TMEM131: variants seen among roughly 807,000 people sequenced by gnomAD.
The protein encoded by TMEM131 is transmembrane protein 131, also known as 2610524E03Rik.
A neutral mutation model predicts 211.6 loss-of-function variants in TMEM131; 66 were observed. The observed-to-expected ratio is 0.31, with a 90% CI of 0.26 to 0.38. The LOEUF is 0.38. TMEM131 is among the 10% of genes least tolerant of loss of function. The pLI is 1.00. For missense variants in TMEM131, 2,036 were observed against 2,299.3 expected (o/e 0.89, Z 2.34); for synonymous variants, 844 against 841.3 (o/e 1.00, Z -0.06).
intron 4 of TMEM131, among the ~76,000 whole-genome samples, chr2:97,880,381 A>G (rs915908526): frequency 1.3e-5 from 2 of 152,184 alleles, no homozygotes; most frequent in Non-Finnish European, 2.9e-5. Context: ...TGTGAAAAAC[A>G]TTTCCCTGTT....
At chr2:97,951,217 T>C (rs1376879843) in intron 1 of TMEM131, among the ~76,000 whole-genome samples, 1 of 152,222 alleles carries the variant, frequency 6.6e-6, no homozygotes, top group Non-Finnish European at 1.5e-5. Flanking sequence ...GTTTGGTGTG[T>C]AGGTTCTGGT....
At chr2:97,916,418 T>C (rs940304398) in intron 2 of TMEM131, among the ~76,000 whole-genome samples, 3 of 152,190 alleles carry the variant, frequency 2.0e-5, no homozygotes, top group African/African-American at 7.2e-5. Flanking sequence ...CCAAATACCC[T>C]TGGGGAAAGT....
intron 1 of TMEM131, among the ~76,000 whole-genome samples, chr2:97,938,779 T>A (rs1677571420): frequency 1.3e-5 from 2 of 152,228 alleles, no homozygotes; most frequent in Admixed American, 1.3e-4. Flanking sequence ...TAGTTGGAAG[T>A]AAAGCACTCC....
At chr2:97,992,352 T>C (rs1680304485) in intron 1 of TMEM131, among the ~76,000 whole-genome samples, 1 of 152,246 alleles carries the variant, frequency 6.6e-6, no homozygotes, top group Non-Finnish European at 1.5e-5. Context: ...GTTTTGCACC[T>C]ATGTCACAAA....
intron 31 of TMEM131, among the ~76,000 whole-genome samples, chr2:97,777,807 C>T (rs1425101270): frequency 2.6e-5 from 4 of 151,978 alleles, no homozygotes; most frequent in Non-Finnish European, 5.9e-5. Context: ...AGAGCAAGAC[C>T]CTGCCTCAAA....
At chr2:97,873,680 G>C (rs1674579892) in intron 4 of TMEM131, among the ~76,000 whole-genome samples, 1 of 152,154 alleles carries the variant, frequency 6.6e-6, no homozygotes, top group Non-Finnish European at 1.5e-5. Flanking sequence ...AAAACTAACA[G>C]AAAGGAATAG....
At chr2:97,914,246 T>C (rs1676411109) in intron 2 of TMEM131, among the ~76,000 whole-genome samples, 1 of 152,208 alleles carries the variant, frequency 6.6e-6, no homozygotes, top group South Asian at 2.1e-4. Context: ...TAGATTCACA[T>C]GCAGTTGCAA....
At chr2:97,897,803 A>C (rs1483287165) in intron 3 of TMEM131, among the ~76,000 whole-genome samples, 1 of 152,124 alleles carries the variant, frequency 6.6e-6, no homozygotes, top group East Asian at 1.9e-4. Flanking sequence ...ATTTTTCACT[A>C]GGTGTCTGAT....
intron 11 of TMEM131, among the ~76,000 whole-genome samples, chr2:97,819,541 A>T (rs1320263228): frequency 6.6e-6 from 1 of 152,212 alleles, no homozygotes; most frequent in Non-Finnish European, 1.5e-5. Context: ...ATGAAACAAG[A>T]ATCCCTGGGT....
intron 31 of TMEM131, among the ~76,000 whole-genome samples, chr2:97,786,704 G>A (rs887064061): frequency 2.6e-5 from 4 of 152,166 alleles, no homozygotes; most frequent in African/African-American, 9.7e-5. Flanking sequence ...TGCATGTGGG[G>A]GTGACTGAGT....
intron 38 of TMEM131, 61 bp downstream of exon 38, chr2:97,760,532 G>C (rs1458108425): frequency 6.8e-7 from 1 of 1,477,926 alleles, no homozygotes; most frequent in African/African-American, 1.4e-5. Context: ...TGGATAAAAA[G>C]GTGCTAACCC....
At chr2:97,980,908 C>T (rs2104640470) in intron 1 of TMEM131, among the ~76,000 whole-genome samples, 1 of 151,544 alleles carries the variant, frequency 6.6e-6, no homozygotes, top group East Asian at 1.9e-4. Context: ...TGACAAGAGT[C>T]AGAAGTGGAC....
rs374678768 is a variant in TMEM131, at chr2:97,818,795, A to G, written c.1075-74T>C. 9.2e-6 allele frequency: 9 copies of G among 978,086 alleles called. No homozygotes were observed. The East Asian group carries it at 1.3e-4, about 14-fold the overall frequency. The allele number at this position is 978,086 out of a possible 1,614,324, so 60.6% of individuals were successfully genotyped here. ...TTCAGTTGCCTTATACTTATACTGG[A>G]AAGTATACTGGAAAAGTAAAGTGGA... is the stretch of plus-strand genomic sequence containing the variant. On this transcript the variant is annotated intron_variant, in intron 11 of 40. Transcript: ENST00000186436.
chr2:97,927,573 A>G, intron 1 of TMEM131, 86 bp from the exon 2 acceptor site: 1 of 1,117,570 alleles, frequency 8.9e-7, no homozygotes, highest in Non-Finnish European at 1.2e-6. Context: ...TAATTAATAT[A>G]ATTTTATATC....
chr2:97,843,982 G>A (rs192219357), intron 6 of TMEM131, among the ~76,000 whole-genome samples, 163 bp downstream of exon 6: 1 of 147,376 alleles, frequency 6.8e-6, no homozygotes, highest in East Asian at 1.9e-4. Context: ...TTTGAATAGA[G>A]ATATTGAATA....
At chr2:97,826,161 T>C (rs1381728326) in intron 11 of TMEM131, among the ~76,000 whole-genome samples, 1 of 152,192 alleles carries the variant, frequency 6.6e-6, no homozygotes, top group East Asian at 1.9e-4. Context: ...GAAAATGGGA[T>C]ATGAAGGGCA....
chr2:97,978,177 C>T (rs941894722), intron 1 of TMEM131, among the ~76,000 whole-genome samples: 12 of 152,186 alleles, frequency 7.9e-5, no homozygotes, highest in Non-Finnish European at 1.5e-4. Flanking sequence ...GCATGCAATG[C>T]TGTTTGACAG....
chr2:97,799,291 G>C (rs1559366966), intron 25 of TMEM131, among the ~76,000 whole-genome samples: 1 of 151,616 alleles, frequency 6.6e-6, no homozygotes, highest in African/African-American at 2.4e-5. Flanking sequence ...AAAAGTCCTC[G>C]ATTATGCCAT....
chr2:97,952,904 CAAA>C (rs1335149792), intron 1 of TMEM131, among the ~76,000 whole-genome samples: 2 of 151,958 alleles, frequency 1.3e-5, no homozygotes, highest in African/African-American at 4.8e-5. Context: ...ACAAAACAAA[CAAA>C]AAACAACAGA....
Sources: allele counts gnomAD v4.1 joint callset (sites outside exome capture counted in the v4.1 genomes callset), GRCh38; gene constraint gnomAD v4.1.1; transcripts MANE v1.5; gene names NCBI Gene and HGNC (gene_info 2026-07-23, HGNC 2026-07-21).